ITPR1: variants seen among roughly 807,000 people sequenced by gnomAD.
ITPR1 encodes the protein inositol 1,4,5-trisphosphate-gated calcium channel ITPR1.
A neutral mutation model predicts 318.4 loss-of-function variants in ITPR1; 96 were observed. The ratio of observed to expected loss-of-function variants is 0.30; its 90% CI spans 0.26 to 0.36. The LOEUF (loss-of-function observed/expected upper bound fraction) is 0.36, where lower values mean the gene tolerates loss of function less well. Among genes scored for constraint, ITPR1 ranks in the 10% least tolerant of loss-of-function variants. The pLI is 1.00. For missense variants in ITPR1, 2,440 were observed against 3,460.2 expected, an observed-to-expected ratio of 0.71 and a Z score of 7.40; for synonymous variants, 1,312 against 1,289.9, an observed-to-expected ratio of 1.02 and a Z score of -0.37.
In ITPR1 at chr3:4,723,661, C is replaced by T. The variant is rs190699798; in HGVS notation, c.5137-1885C>T. ...GCACAGGCAAGAGAATTCAAACAGA[C>T]GACATACTAGTTCCATCTTTATTTT... On this transcript the variant is annotated intron_variant, in intron 40 of 61. Transcript: ENST00000649015. 2.4e-4 allele frequency among the ~76,000 whole-genome samples: 36 copies of T among 151,466 alleles called. No homozygotes were observed. In the East Asian group the frequency reaches 5.6e-3, roughly 24 times the overall value.
chr3:4,702,094 T>G lies in ITPR1; in HGVS notation c.4537-736T>G, dbSNP rs150848766. ...TGCTGGTCCAAAGCTACCCTTTGAA[T>G]GGAGACCAAAACTATAATTTTTTAA... is the stretch of plus-strand genomic sequence containing the variant. On this transcript the variant is annotated intron_variant, in intron 35 of 61. Coordinates refer to ENST00000649015, the MANE Select transcript of ITPR1 (RefSeq NM_001378452.1). Among the ~76,000 whole-genome samples, 385 of 152,126 alleles carry G rather than the reference T, an allele frequency of 2.5e-3. 5 individuals carry two copies. Among genetic ancestry groups the G allele is most frequent in the African/African-American group, 8.9e-3 (369 of 41,524 alleles).
Position 4,783,707 on chromosome 3 carries a change from C to T in ITPR1, c.6511-109C>T. The T allele has an allele frequency of 2.9e-5, 26 of 910,918 alleles. 1 individual carries two copies. The South Asian group carries it at 3.6e-4, about 13-fold the overall frequency. The allele number at this position is 910,918 out of a possible 1,614,324, so 56.4% of individuals were successfully genotyped here. On this transcript the variant is annotated intron_variant, in intron 50 of 61. Coordinates refer to ENST00000649015, the MANE Select transcript of ITPR1 (RefSeq NM_001378452.1). The stretch of plus-strand genomic sequence containing the variant: ...GCCTCGTGGCACCTTTGCCCTTTGG[C>T]TTGCTGCTGGTTATTATGCATTTTT...
intron 32 of ITPR1, among the ~76,000 whole-genome samples, chr3:4,693,024 G>A (rs768631136): frequency 9.9e-5 from 15 of 152,176 alleles, no homozygotes; most frequent in Non-Finnish European, 2.1e-4. Flanking sequence ...GGAGGCTGAG[G>A]CAGGAGAATC....
At chr3:4,756,834 A>G (rs2045033832) in intron 44 of ITPR1, among the ~76,000 whole-genome samples, 1 of 152,244 alleles carries the variant, frequency 6.6e-6, no homozygotes, top group African/African-American at 2.4e-5. Flanking sequence ...CCATTTATGT[A>G]ACACCCAGCT....
In ITPR1 at chr3:4,840,029, C is replaced by CTTTTTTT. The variant is rs56096727; in HGVS notation, c.8190+3117_8190+3123dup. Among the ~76,000 whole-genome samples, 825 of 104,542 alleles carry CTTTTTTT rather than the reference C, an allele frequency of 7.9e-3. 67 individuals are homozygous for CTTTTTTT. The highest frequency in any genetic ancestry group is 8.5e-3 in the Non-Finnish European group (452 of 53,004). 68.6% of individuals were successfully genotyped at this position (104,542 alleles called of 152,430 possible). ...TTACAGGAAAAATTCAGCATAGCTGCTTTTTTTTTTTTTTTTTTTTTTTTT... is the reference window on the plus strand; with the variant it reads ...TTACAGGAAAAATTCAGCATAGCTGCTTTTTTTTTTTTTTTTTTTTTTTTTTTTTTTT... On this transcript the variant is annotated intron_variant, in intron 61 of 61. Coordinates refer to ENST00000649015, the MANE Select transcript of ITPR1 (RefSeq NM_001378452.1).
At chr3:4,566,180 CA>C (rs1360701788) in intron 4 of ITPR1, among the ~76,000 whole-genome samples, 3 of 152,162 alleles carry the variant, frequency 2.0e-5, no homozygotes, top group Non-Finnish European at 2.9e-5. Context: ...ATTCATAAGC[CA>C]AATTCAGAGC....
intron 4 of ITPR1, among the ~76,000 whole-genome samples, chr3:4,531,697 C>T (rs1233497417): frequency 1.3e-5 from 2 of 152,184 alleles, no homozygotes; most frequent in Non-Finnish European, 2.9e-5. Context: ...TGGGACTTTG[C>T]ATGTCCTGTT....
At chr3:4,699,568 G>A (rs549384012) in intron 34 of ITPR1, among the ~76,000 whole-genome samples, 71 of 152,266 alleles carry the variant, frequency 4.7e-4, no homozygotes, top group African/African-American at 1.5e-3. Flanking sequence ...AGCTGCAAGC[G>A]GTGGCCTTGT....
At chr3:4,795,249 C>T in intron 53 of ITPR1, 62 bp downstream of exon 53, 1 of 1,543,558 alleles carries the variant, frequency 6.5e-7, no homozygotes, top group Non-Finnish European at 8.8e-7. Flanking sequence ...GGACTTGCAT[C>T]TCAGTTGTGG....
chr3:4,706,391 C>T (rs754867942), intron 37 of ITPR1, 40 bp downstream of exon 37: 1 of 1,540,010 alleles, frequency 6.5e-7, no homozygotes, highest in Non-Finnish European at 8.8e-7. Flanking sequence ...TTAGCCTGGC[C>T]TCACGTGATT....
rs182239904 is a variant in ITPR1 at position 4,614,740 on chromosome 3, C to A, written c.164-13023C>A. ...TGATGATCTCTTTTCTGGAGGAAGA[C>A]ATGCAGACACAGAGAGCTTTCAGCA... On this transcript the variant is annotated intron_variant, in intron 4 of 61. Coordinates refer to ENST00000649015, the MANE Select transcript of ITPR1 (RefSeq NM_001378452.1). 7.2e-5 allele frequency among the ~76,000 whole-genome samples: 11 copies of A among 152,320 alleles called. No individual in the cohort carries two copies. In the East Asian group the frequency reaches 1.2e-3, roughly 16 times the overall value.
At chr3:4,585,786 ATACTT>A (rs1220199285) in intron 4 of ITPR1, among the ~76,000 whole-genome samples, 1 of 151,162 alleles carries the variant, frequency 6.6e-6, no homozygotes, top group Non-Finnish European at 1.5e-5. Flanking sequence ...CTTTTATATT[ATACTT>A]TAAGTTCTGG....
chr3:4,608,303 A>T (rs2091843608), intron 4 of ITPR1, among the ~76,000 whole-genome samples: 1 of 152,156 alleles, frequency 6.6e-6, no homozygotes, highest in African/African-American at 2.4e-5. Context: ...TGAGAATCAC[A>T]GCCCTACAGG....
At chr3:4,645,330 G>A in intron 8 of ITPR1, 57 bp from the exon 9 acceptor site, 2 of 1,199,662 alleles carry the variant, frequency 1.7e-6, no homozygotes, top group Non-Finnish European at 2.5e-6. Context: ...TCTGGGGGCT[G>A]GATGACACAG....
intron 44 of ITPR1, among the ~76,000 whole-genome samples, chr3:4,736,195 A>T (rs2043258222): frequency 6.6e-6 from 1 of 152,018 alleles, no homozygotes; most frequent in South Asian, 2.1e-4. Context: ...ACATACACAC[A>T]CACATATGTT....
chr3:4,669,910 A>C (rs1432716264), intron 19 of ITPR1, 137 bp downstream of exon 19: 1 of 920,224 alleles, frequency 1.1e-6, no homozygotes, highest in Non-Finnish European at 1.5e-6. Context: ...TTCTTATTGG[A>C]AAAGTCTTGA....
intron 4 of ITPR1, among the ~76,000 whole-genome samples, chr3:4,556,067 A>G (rs1210188963): frequency 1.3e-5 from 2 of 152,242 alleles, no homozygotes; most frequent in Non-Finnish European, 2.9e-5. Flanking sequence ...TGGGTAGCAT[A>G]GAAATAGAAT....
chr3:4,689,719 A>T (rs1447503803), intron 31 of ITPR1, among the ~76,000 whole-genome samples: 1 of 152,216 alleles, frequency 6.6e-6, no homozygotes, highest in East Asian at 1.9e-4. Flanking sequence ...AGTGAAAAAT[A>T]AGCCTTCTAG....
chr3:4,676,806 C>A lies in ITPR1; in HGVS notation c.2967+5C>A, dbSNP rs372969151. The A allele has an allele frequency of 5.0e-6, 8 of 1,603,482 alleles. No individual in the cohort carries two copies. The highest frequency in any genetic ancestry group is 6.8e-6 in the Non-Finnish European group (8 of 1,172,010). On this transcript the variant is annotated splice_donor_5th_base_variant and intron_variant, in intron 24 of 61. Coordinates refer to ENST00000649015, the MANE Select transcript of ITPR1 (RefSeq NM_001378452.1). Reference sequence around the variant, plus strand: ...AAGATCATTGAGATACTCCAGGTATCCACTAGCTGGAGCTGGGGTAGGGAG... The same window carrying A: ...AAGATCATTGAGATACTCCAGGTATACACTAGCTGGAGCTGGGGTAGGGAG...
Sources: gnomAD v4.1 joint callset for allele counts (sites outside exome capture counted in the v4.1 genomes callset) on GRCh38, gnomAD v4.1.1 for gene constraint, MANE v1.5 for transcripts, NCBI Gene and HGNC (gene_info 2026-07-23, HGNC 2026-07-21) for gene names.